Variants in ETFA observed in about 807,000 individuals in gnomAD.
ETFA encodes the protein electron transfer flavoprotein subunit alpha.
Under a neutral mutation model 46.2 loss-of-function variants are expected in ETFA, and 22 were observed. The observed-to-expected ratio is 0.48, with a 90% CI of 0.34 to 0.68. The LOEUF (loss-of-function observed/expected upper bound fraction) is 0.68. Among genes scored for constraint, ETFA ranks in the 30% least tolerant of loss-of-function variants. The pLI is 0.01. For missense variants in ETFA, 345 were observed against 401.1 expected, an observed-to-expected ratio of 0.86 and a Z score of 1.19; for synonymous variants, 131 against 139.9, an observed-to-expected ratio of 0.94 and a Z score of 0.45.
intron 9 of ETFA, among the ~76,000 whole-genome samples, chr15:76,240,938 AAATAT>A (rs1306725684): frequency 6.6e-6 from 1 of 151,208 alleles, no homozygotes; most frequent in African/African-American, 2.4e-5. Context: ...ATAATAAATT[AAATAT>A]AATTTTTATA....
At chr15:76,273,497 G>C (rs2039560618) in intron 9 of ETFA, among the ~76,000 whole-genome samples, 1 of 152,066 alleles carries the variant, frequency 6.6e-6, no homozygotes, top group Admixed American at 6.6e-5. Context: ...GGAGGTTGCA[G>C]TGAGCCGAGA....
At chr15:76,287,198 C>G (rs1461906637) in intron 5 of ETFA, among the ~76,000 whole-genome samples, 3 of 152,206 alleles carry the variant, frequency 2.0e-5, no homozygotes, top group Non-Finnish European at 4.4e-5. Flanking sequence ...GGGTCTTGCT[C>G]TGTTGCCCAG....
At chr15:76,267,002 C>T (rs2039476349) in intron 9 of ETFA, among the ~76,000 whole-genome samples, 1 of 152,198 alleles carries the variant, frequency 6.6e-6, no homozygotes, top group South Asian at 2.1e-4. Flanking sequence ...CAACTTTAGG[C>T]ATGCCTACCT....
At chr15:76,275,072 C>G (rs1476305586) in intron 8 of ETFA, among the ~76,000 whole-genome samples, 1 of 152,154 alleles carries the variant, frequency 6.6e-6, no homozygotes. Flanking sequence ...CAAAAACGCA[C>G]AGCCTCACCA....
chr15:76,221,073 C>G (rs1318982848), intron 11 of ETFA, among the ~76,000 whole-genome samples: 1 of 152,078 alleles, frequency 6.6e-6, no homozygotes. Flanking sequence ...GGGGAAAAAC[C>G]CAACATGTCC....
intron 9 of ETFA, among the ~76,000 whole-genome samples, chr15:76,237,137 CT>C (rs199935072): frequency 0.021 from 3,259 of 152,320 alleles, 73 homozygotes; most frequent in Admixed American, 0.069. Flanking sequence ...GCTGCAACCT[CT>C]GCCTCCTGGG....
intron 9 of ETFA, among the ~76,000 whole-genome samples, chr15:76,263,775 G>A (rs867039869): frequency 3.2e-4 from 49 of 152,306 alleles, no homozygotes; most frequent in Middle Eastern, 6.8e-3. Context: ...AGATGAGGAA[G>A]AGGAGGACGA....
intron 11 of ETFA, among the ~76,000 whole-genome samples, chr15:76,219,404 C>G (rs1045225479): frequency 2.0e-5 from 3 of 151,988 alleles, no homozygotes; most frequent in Admixed American, 6.6e-5. Flanking sequence ...TCTTCATGAC[C>G]CAATATTTGG....
At chr15:76,220,966 C>A (rs2038951222) in intron 11 of ETFA, among the ~76,000 whole-genome samples, 1 of 152,188 alleles carries the variant, frequency 6.6e-6, no homozygotes, top group Non-Finnish European at 1.5e-5. Flanking sequence ...CCAGCAATTC[C>A]ATTCCTAGAC....
chr15:76,218,324 A>G (rs138809422), intron 11 of ETFA, among the ~76,000 whole-genome samples: 3 of 152,122 alleles, frequency 2.0e-5, no homozygotes, highest in African/African-American at 7.2e-5. Flanking sequence ...CTGGAGTGCA[A>G]TGGCGCAGTC....
chr15:76,310,893 G>C (rs2039990829), intron 1 of ETFA, among the ~76,000 whole-genome samples: 1 of 130,316 alleles, frequency 7.7e-6, no homozygotes, highest in Non-Finnish European at 1.6e-5. Context: ...GAGTAGCCAC[G>C]ATGCGCCCAA....
At chr15:76,282,718 G>A (rs2141526953) in intron 8 of ETFA, among the ~76,000 whole-genome samples, 1 of 152,248 alleles carries the variant, frequency 6.6e-6, no homozygotes, top group Non-Finnish European at 1.5e-5. Context: ...ACCCTCGAAA[G>A]TTATATGTTA....
In ETFA at chr15:76,258,231, A is replaced by G. The variant is rs547657615; in HGVS notation, c.816+16181T>C. Among the ~76,000 whole-genome samples, 4 of 152,276 alleles carry G rather than the reference A, an allele frequency of 2.6e-5. No homozygotes were observed. In the South Asian group the frequency reaches 8.3e-4, roughly 32 times the overall value. On this transcript the variant is annotated intron_variant, in intron 9 of 11. Transcript: ENST00000557943. The stretch of plus-strand genomic sequence containing the variant: ...TTGGTAGCATGCTCAGATTGTGGGC[A>G]TGGAGAGGGGCTCCTGAACTCCTCT...
intron 9 of ETFA, chr15:76,245,186 T>C (rs960988172): frequency 3.3e-5 from 5 of 152,250 alleles, no homozygotes; most frequent in African/African-American, 1.2e-4. Flanking sequence ...TGTAATTACC[T>C]TTAAGAAGCA....
chr15:76,283,619 G>A, intron 8 of ETFA, 138 bp downstream of exon 8: 6 of 683,362 alleles, frequency 8.8e-6, no homozygotes, highest in Non-Finnish European at 1.3e-5. Flanking sequence ...AGAAAAACTG[G>A]TTCAGAGAGA....
At chr15:76,233,169 T>C (rs2039086858) in intron 9 of ETFA, among the ~76,000 whole-genome samples, 1 of 152,180 alleles carries the variant, frequency 6.6e-6, no homozygotes, top group Non-Finnish European at 1.5e-5. Flanking sequence ...TCTGTGATTC[T>C]ACCTTCAATG....
intron 5 of ETFA, among the ~76,000 whole-genome samples, chr15:76,287,148 A>G (rs928432508): frequency 6.6e-6 from 1 of 152,176 alleles, no homozygotes; most frequent in African/African-American, 2.4e-5. Flanking sequence ...AATCAACTGA[A>G]GAGACACTGA....
intron 9 of ETFA, among the ~76,000 whole-genome samples, chr15:76,235,649 TCA>T (rs1315930142): frequency 6.6e-6 from 1 of 152,076 alleles, no homozygotes; most frequent in Non-Finnish European, 1.5e-5. Flanking sequence ...CTCAAGAAGC[TCA>T]CAGTCTAACA....
chr15:76,239,724 T>C (rs2039165497), intron 9 of ETFA, among the ~76,000 whole-genome samples: 1 of 151,660 alleles, frequency 6.6e-6, no homozygotes, highest in Non-Finnish European at 1.5e-5. Flanking sequence ...ATATTTATCT[T>C]AGAGAAAGAT....
Sources: allele counts gnomAD v4.1 joint callset (sites outside exome capture counted in the v4.1 genomes callset), GRCh38; gene constraint gnomAD v4.1.1; transcripts MANE v1.5; gene names NCBI Gene and HGNC (gene_info 2026-07-23, HGNC 2026-07-21).